The following MOSPD2 variants were observed in gnomAD, a reference collection of about 807,000 sequenced individuals.
MOSPD2 encodes the protein motile sperm domain containing 2.
A neutral mutation model predicts 41.7 loss-of-function variants in MOSPD2; 5 were observed. The observed-to-expected ratio is 0.12, with a 90% confidence interval of 0.06 to 0.25. The LOEUF (loss-of-function observed/expected upper bound fraction) is 0.25, where lower values mean the gene tolerates loss of function less well. MOSPD2 is among the 10% of genes least tolerant of loss of function. The pLI is 1.00. For missense variants in MOSPD2, 282 were observed against 375.2 expected, an observed-to-expected ratio of 0.75 and a Z score of 2.05; for synonymous variants, 115 against 126.9, an observed-to-expected ratio of 0.91 and a Z score of 0.63.
At chrX:14,906,226 G>A (rs189384617) in intron 7 of MOSPD2, among the ~76,000 whole-genome samples, 1 of 112,212 alleles carries the variant, frequency 8.9e-6, no homozygotes, top group African/African-American at 3.2e-5. Context: ...GCATGTATGG[G>A]CATAAGGATA....
intron 5 of MOSPD2, among the ~76,000 whole-genome samples, chrX:14,898,006 T>C (rs1286536321): frequency 8.9e-6 from 1 of 112,173 alleles, no homozygotes; most frequent in African/African-American, 3.2e-5. Flanking sequence ...TTGAAATCTT[T>C]TTGGAATTCC....
At chrX:14,901,954 TAACTA>T (rs1325606035) in intron 6 of MOSPD2, among the ~76,000 whole-genome samples, 1 of 104,912 alleles carries the variant, frequency 9.5e-6, no homozygotes, top group Admixed American at 1.0e-4. Context: ...CTATTCATCT[TAACTA>T]GAGATTTTAT....
Position 14,873,454 on chromosome X carries a change from G to A in MOSPD2, c.-75G>A, listed in dbSNP as rs778353457. The A allele has an allele frequency of 3.2e-4, 384 of 1,198,585 alleles. 1 individual carries two copies. In the African/African-American group the frequency reaches 5.8e-3, roughly 18 times the overall value. On this transcript the variant is annotated 5_prime_UTR_variant, in exon 1 of 15. Transcript: ENST00000380492. The stretch of plus-strand genomic sequence containing the variant: ...CTGTCTACCTCTGGGCGGGACTGCC[G>A]GGTGATGAGATACTCGGTCGGCGAC...
At chrX:14,881,604 G>A (rs780356476) in intron 2 of MOSPD2, among the ~76,000 whole-genome samples, 2 of 112,007 alleles carry the variant, frequency 1.8e-5, no homozygotes, top group Non-Finnish European at 3.8e-5. Flanking sequence ...CATGTGGCAG[G>A]TGATCAGAGA....
intron 4 of MOSPD2, among the ~76,000 whole-genome samples, chrX:14,896,501 C>T: frequency 8.9e-6 from 1 of 112,066 alleles, no homozygotes; most frequent in East Asian, 2.8e-4. Flanking sequence ...TCTGCCTCCT[C>T]CAGTCTGCCC....
At chrX:14,879,988 C>T (rs1179176584) in intron 2 of MOSPD2, among the ~76,000 whole-genome samples, 1 of 109,928 alleles carries the variant, frequency 9.1e-6, no homozygotes, top group Non-Finnish European at 1.9e-5. Flanking sequence ...CTTCTTGGCC[C>T]TTATTTCTTC....
intron 2 of MOSPD2, among the ~76,000 whole-genome samples, chrX:14,884,063 A>G (rs1226098642): frequency 8.9e-6 from 1 of 111,886 alleles, no homozygotes; most frequent in Non-Finnish European, 1.9e-5. Flanking sequence ...TTGCCAGGAA[A>G]CAGTGAAATA....
At chrX:14,877,527 A>G (rs1365785734) in intron 2 of MOSPD2, among the ~76,000 whole-genome samples, 1 of 109,225 alleles carries the variant, frequency 9.2e-6, no homozygotes. Context: ...TTTTTAATAG[A>G]GATGCGGTTT....
intron 2 of MOSPD2, among the ~76,000 whole-genome samples, chrX:14,881,110 T>G (rs1292878988): frequency 8.9e-6 from 1 of 111,785 alleles, no homozygotes; most frequent in African/African-American, 3.3e-5. Context: ...TACCCTTTCT[T>G]CCTGAGTTTC....
intron 2 of MOSPD2, among the ~76,000 whole-genome samples, chrX:14,885,089 ATATG>A (rs1381735963): frequency 8.9e-6 from 1 of 111,748 alleles, no homozygotes; most frequent in Non-Finnish European, 1.9e-5. Context: ...TTATACATAT[ATATG>A]TATGTGTGTA....
In MOSPD2 at chrX:14,911,296, T is replaced by C. The variant is rs1308709158; in HGVS notation, c.762T>C (p.Cys254=). The change falls in exon 9 of 15, where the codon TGT becomes TGC. Residue 254 remains cysteine, a synonymous_variant. Transcript: ENST00000380492. The part of the protein sequence containing the change: ...LVDDDFQTPL[C]ENGPITSEDE... ...ATGATGACTTCCAGACCCCACTGTG[T>C]GAGAATGGGCCTATTACCAGTGAGG... 1 of 1,204,159 alleles carries C rather than the reference T, an allele frequency of 8.3e-7. No homozygotes were observed. The highest frequency in any genetic ancestry group is 1.1e-6 in the Non-Finnish European group (1 of 889,778).
At chrX:14,894,775 C>G (rs2092560109) in intron 3 of MOSPD2, among the ~76,000 whole-genome samples, 1 of 111,031 alleles carries the variant, frequency 9.0e-6, no homozygotes, top group African/African-American at 3.3e-5. Flanking sequence ...GTATTTTCCA[C>G]TTTCCTAAAG....
intron 10 of MOSPD2, among the ~76,000 whole-genome samples, chrX:14,914,079 T>G: frequency 8.9e-6 from 1 of 112,421 alleles, no homozygotes; most frequent in South Asian, 3.6e-4. Context: ...CTTTTTAAGT[T>G]ATGCTCTTTT....
chrX:14,892,245 G>A (rs921733769), intron 2 of MOSPD2, among the ~76,000 whole-genome samples: 5 of 111,779 alleles, frequency 4.5e-5, no homozygotes, highest in Non-Finnish European at 9.4e-5. Context: ...AAGAAGTATG[G>A]TGTCAATATC....
At chrX:14,910,341 G>A (rs1177698265) in intron 8 of MOSPD2, among the ~76,000 whole-genome samples, 1 of 110,622 alleles carries the variant, frequency 9.0e-6, no homozygotes, top group African/African-American at 3.3e-5. Flanking sequence ...TTACACAATG[G>A]TCACATACCA....
intron 2 of MOSPD2, among the ~76,000 whole-genome samples, chrX:14,877,419 C>G (rs191229963): frequency 9.1e-6 from 1 of 109,948 alleles, no homozygotes; most frequent in Non-Finnish European, 1.9e-5. Context: ...CTTGGCTCCA[C>G]ACAACCTCTG....
At chrX:14,915,835 T>TGCTGACTCA in intron 12 of MOSPD2, 71 bp downstream of exon 12, 1 of 890,455 alleles carries the variant, frequency 1.1e-6, no homozygotes, top group Non-Finnish European at 1.6e-6. Flanking sequence ...ACCTTGGCTC[T>TGCTGACTCA]GAGTCAGCAG....
Position 14,881,235 on chromosome X carries a change from C to CT in MOSPD2, c.79+7489dup, listed in dbSNP as rs543022770. ...GTCTTGAAAATAGCTTTATTTTGTCCTTTTTTTTTTTTAATTAAGCAATTA... is the reference window on the plus strand; with the variant it reads ...GTCTTGAAAATAGCTTTATTTTGTCCTTTTTTTTTTTTTAATTAAGCAATTA... On this transcript the variant is annotated intron_variant, in intron 2 of 14. Transcript: ENST00000380492. 5.0e-3 allele frequency among the ~76,000 whole-genome samples: 498 copies of CT among 98,732 alleles called. 1 individual carries two copies. Among genetic ancestry groups the CT allele is most frequent in the Middle Eastern group, 0.022 (4 of 184 alleles). The allele number at this position is 98,732 out of a possible 115,157, so 85.7% of individuals were successfully genotyped here.
chrX:14,876,363 C>A (rs766520268), intron 2 of MOSPD2, among the ~76,000 whole-genome samples: 1 of 111,761 alleles, frequency 8.9e-6, no homozygotes, highest in South Asian at 3.7e-4. Context: ...GATGTTTTTC[C>A]TAAAGGAAAA....
Sources: allele counts gnomAD v4.1 joint callset (sites outside exome capture counted in the v4.1 genomes callset), GRCh38; gene constraint gnomAD v4.1.1; transcripts MANE v1.5; gene names NCBI Gene and HGNC (gene_info 2026-07-23, HGNC 2026-07-21).